Variants in SRGAP3 observed in about 807,000 individuals in gnomAD.
SRGAP3 encodes SLIT-ROBO Rho GTPase-activating protein 3.
SRGAP3 carries 39 observed loss-of-function variants against 121.1 expected under a neutral mutation model. The ratio of observed to expected loss-of-function variants is 0.32; its 90% confidence interval spans 0.25 to 0.42. SRGAP3 has a LOEUF of 0.42. Ranked by LOEUF, SRGAP3 falls within the 10% of genes least tolerant of loss-of-function variation. The pLI is 1.00. For synonymous variants in SRGAP3, 601 were observed against 570.0 expected, an observed-to-expected ratio of 1.05 and a Z score of -0.77; for missense variants, 1,213 against 1,470.6, an observed-to-expected ratio of 0.82 and a Z score of 2.86.
chr3:9,034,849 G>A (rs1173160661), intron 11 of SRGAP3: 1 of 152,180 alleles, frequency 6.6e-6, no homozygotes, highest in Non-Finnish European at 1.5e-5. Context: ...AAGGTTTTAA[G>A]TTTGGGGATT....
At chr3:9,070,360 T>G (rs1476602954) in intron 4 of SRGAP3, among the ~76,000 whole-genome samples, 2 of 152,106 alleles carry the variant, frequency 1.3e-5, no homozygotes, top group Non-Finnish European at 2.9e-5. Context: ...CATTTGTGTA[T>G]GGGTGAAACC....
intron 1 of SRGAP3, among the ~76,000 whole-genome samples, chr3:9,162,977 A>G (rs536741107): frequency 1.8e-4 from 28 of 152,294 alleles, no homozygotes; most frequent in African/African-American, 2.6e-4. Flanking sequence ...TGATTTTGAG[A>G]AAGTTATTTA....
chr3:9,328,310 C>G (rs1955551049), intron 2 of SRGAP3, among the ~76,000 whole-genome samples: 1 of 152,130 alleles, frequency 6.6e-6, no homozygotes. Context: ...AAGATTACTA[C>G]AGTAGTTGTA....
At chr3:9,148,807 C>A (rs896691198) in intron 1 of SRGAP3, among the ~76,000 whole-genome samples, 1 of 152,198 alleles carries the variant, frequency 6.6e-6, no homozygotes, top group Non-Finnish European at 1.5e-5. Context: ...TCCCATGACA[C>A]AGCACTTTAC....
At chr3:9,301,262 T>C (rs1406968661) in intron 3 of SRGAP3, among the ~76,000 whole-genome samples, 1 of 152,166 alleles carries the variant, frequency 6.6e-6, no homozygotes, top group Non-Finnish European at 1.5e-5. Flanking sequence ...AAATCCCAGA[T>C]AGACTGGCCT....
intron 14 of SRGAP3, among the ~76,000 whole-genome samples, chr3:9,016,317 G>A (rs1422992827): frequency 1.3e-5 from 2 of 152,058 alleles, no homozygotes; most frequent in Non-Finnish European, 2.9e-5. Context: ...TGTAAAATAT[G>A]CCCCGATATT....
At chr3:9,044,206 A>G (rs1029556610) in intron 10 of SRGAP3, among the ~76,000 whole-genome samples, 4 of 152,342 alleles carry the variant, frequency 2.6e-5, no homozygotes, top group Admixed American at 1.3e-4. Flanking sequence ...CCATCCTGTC[A>G]AAAGAGTACA....
chr3:9,160,291 A>G (rs550040898), intron 1 of SRGAP3, among the ~76,000 whole-genome samples: 1 of 152,294 alleles, frequency 6.6e-6, no homozygotes, highest in Non-Finnish European at 1.5e-5. Context: ...ATATTTAGTG[A>G]CTTGCTTCCA....
rs551937584 is a variant in SRGAP3 at position 9,184,544 on chromosome 3, G to A, written c.68-59627C>T. ...TAATCTCTTAGCATCCAAAGGAAAT[G>A]CTCAGTAAATGGGTGTTGTTAATGT... On this transcript the variant is annotated intron_variant, in intron 1 of 21. Transcript: ENST00000383836. 1.8e-4 allele frequency among the ~76,000 whole-genome samples: 27 copies of A among 152,276 alleles called. 1 individual carries two copies. Among genetic ancestry groups the A allele is most frequent in the Middle Eastern group, 6.8e-3 (2 of 294 alleles).
chr3:9,129,124 C>T (rs1423608453), intron 1 of SRGAP3, among the ~76,000 whole-genome samples: 1 of 152,194 alleles, frequency 6.6e-6, no homozygotes, highest in East Asian at 1.9e-4. Flanking sequence ...AGAGACAGGC[C>T]TCTTTATGTT....
At chr3:8,993,076 A>T in intron 19 of SRGAP3, 21 bp from the exon 20 acceptor site, 1 of 1,613,304 alleles carries the variant, frequency 6.2e-7, no homozygotes, top group Non-Finnish European at 8.5e-7. Flanking sequence ...GACAGACATG[A>T]ATTGGAGGCA....
intron 1 of SRGAP3, among the ~76,000 whole-genome samples, chr3:9,228,989 G>A (rs986579716): frequency 3.4e-5 from 5 of 148,616 alleles, no homozygotes; most frequent in East Asian, 2.0e-4. Flanking sequence ...GTGAACCCGG[G>A]AAGCGGAGCT....
chr3:9,306,263 T>G (rs530752854), intron 3 of SRGAP3, among the ~76,000 whole-genome samples: 27 of 152,344 alleles, frequency 1.8e-4, no homozygotes, highest in African/African-American at 6.0e-4. Flanking sequence ...TGGGGTTGTT[T>G]GATTTTTTTC....
chr3:9,198,403 G>C (rs920227215), intron 1 of SRGAP3, among the ~76,000 whole-genome samples: 20 of 152,156 alleles, frequency 1.3e-4, no homozygotes, highest in African/African-American at 4.6e-4. Flanking sequence ...AGGAAGACTG[G>C]GGTAATAAGG....
At chr3:9,363,023 G>A (rs1360679890) in exon 1 of SRGAP3, 1 of 152,342 alleles carries the variant, frequency 6.6e-6, no homozygotes, top group Non-Finnish European at 1.5e-5. Flanking sequence ...GAGCCACCGT[G>A]ACTCGTAGCC....
At chr3:9,144,876 T>C (rs1337731648) in intron 1 of SRGAP3, among the ~76,000 whole-genome samples, 1 of 152,256 alleles carries the variant, frequency 6.6e-6, no homozygotes, top group African/African-American at 2.4e-5. Flanking sequence ...CCTATGGTTT[T>C]GCTAAGAGCA....
At chr3:9,321,782 T>G (rs948525910) in intron 3 of SRGAP3, among the ~76,000 whole-genome samples, 1 of 151,418 alleles carries the variant, frequency 6.6e-6, no homozygotes, top group Non-Finnish European at 1.5e-5. Context: ...CATGGACACA[T>G]AGAGGGGAAT....
chr3:9,037,432 C>G (rs1443264708), intron 11 of SRGAP3: 1 of 150,812 alleles, frequency 6.6e-6, no homozygotes, highest in Non-Finnish European at 1.5e-5. Flanking sequence ...TTCACTGGCT[C>G]TGGTCTGCTC....
Position 9,072,141 on chromosome 3 carries a change from C to T in SRGAP3, c.487-7560G>A, listed in dbSNP as rs539329520. 2.6e-5 allele frequency among the ~76,000 whole-genome samples: 4 copies of T among 152,314 alleles called. No homozygotes were observed. In the South Asian group the frequency reaches 8.3e-4, roughly 32 times the overall value. On this transcript the variant is annotated intron_variant, in intron 4 of 21. Transcript: ENST00000383836. The stretch of plus-strand genomic sequence containing the variant: ...TGATCCCAACCGGCCAGGCTCAGTG[C>T]AGTGACTCAGGAGCAGTGCTGACTG...
Sources: gnomAD v4.1 joint callset for allele counts (sites outside exome capture counted in the v4.1 genomes callset) on GRCh38, gnomAD v4.1.1 for gene constraint, MANE v1.5 for transcripts, NCBI Gene and HGNC (gene_info 2026-07-23, HGNC 2026-07-21) for gene names.